Variants in RGS20 observed in about 807,000 individuals in gnomAD.
The protein encoded by RGS20 is regulator of G protein signaling 20, also known as gz-selective GTPase-activating protein.
RGS20 carries 30 observed loss-of-function variants against 33.6 expected under a neutral mutation model. That is an observed-to-expected ratio of 0.89 (90% CI 0.67 to 1.21). RGS20 has a LOEUF of 1.21. Ranked by LOEUF, RGS20 falls within the 50% of genes most tolerant of loss-of-function variation. The pLI, the probability that RGS20 is intolerant of heterozygous loss-of-function variation, is 0.00. For synonymous variants in RGS20, 208 were observed against 197.9 expected (o/e 1.05, Z -0.43); for missense variants, 472 against 502.4 (o/e 0.94, Z 0.58).
intron 2 of RGS20, among the ~76,000 whole-genome samples, chr8:53,891,955 A>G (rs1160579487): frequency 1.3e-5 from 2 of 151,794 alleles, no homozygotes; most frequent in Non-Finnish European, 2.9e-5. Flanking sequence ...TTAGTTACAT[A>G]TGTATACATG....
chr8:53,873,189 T>C (rs753484939), intron 1 of RGS20, among the ~76,000 whole-genome samples: 1 of 152,156 alleles, frequency 6.6e-6, no homozygotes, highest in Non-Finnish European at 1.5e-5. Flanking sequence ...TCATCTACCA[T>C]GAATAAAACC....
intron 1 of RGS20, among the ~76,000 whole-genome samples, chr8:53,871,899 C>G (rs553094681): frequency 5.9e-5 from 9 of 152,246 alleles, no homozygotes; most frequent in Admixed American, 2.0e-4. Context: ...CCTTTGTATG[C>G]TAGTGCTTCC....
chr8:53,919,969 G>C (rs1484538792), intron 2 of RGS20, among the ~76,000 whole-genome samples: 1 of 152,100 alleles, frequency 6.6e-6, no homozygotes, highest in Non-Finnish European at 1.5e-5. Flanking sequence ...TCAACTTCTG[G>C]GCTATGTGAT....
At position 53,954,174 on chromosome 8, in the gene RGS20, G is replaced by A. The variant is rs752979708; in HGVS notation, c.842G>A (p.Arg281Gln). The A allele has an allele frequency of 9.9e-6, 16 of 1,613,708 alleles. No homozygotes were observed. Among genetic ancestry groups the A allele is most frequent in the East Asian group, 2.2e-5 (1 of 44,876 alleles). The change falls in exon 5 of 6, where the codon CGA (arginine) becomes CAA (glutamine). Residue 281 changes from arginine to glutamine, a missense_variant. This residue lies in a region of RGS20 where 125 missense variants were observed against 169.5 expected (regional missense o/e 0.74). Coordinates refer to ENST00000297313, the MANE Select transcript of RGS20 (RefSeq NM_170587.4). The stretch of plus-strand genomic sequence containing the variant: ...AGGAATGCATTCCGTGAATTCCTCC[G>A]AACAGAATTCAGTGAGGAAAATATG...
At chr8:53,879,098 A>AG (rs1267379641) in intron 1 of RGS20, among the ~76,000 whole-genome samples, 3 of 152,090 alleles carry the variant, frequency 2.0e-5, no homozygotes, top group African/African-American at 7.2e-5. Context: ...CAGGAGTGGG[A>AG]GGGGAAAGAA....
Position 53,851,924 on chromosome 8 carries a change from C to G in RGS20, c.25C>G (p.Gln9Glu), listed in dbSNP as rs1295490167. 6.2e-7 allele frequency: 1 copy of G among 1,613,966 alleles called. No individual in the cohort carries two copies. The highest frequency in any genetic ancestry group is 2.2e-5 in the East Asian group (1 of 44,892). The change falls in exon 1 of 6, where the codon CAA becomes GAA. Residue 9 changes from glutamine to glutamate, a missense_variant. Physicochemically the swap from Gln to Glu is conservative, Grantham distance 29. Coordinates refer to ENST00000297313, the MANE Select transcript of RGS20 (RefSeq NM_170587.4). ...CATGCCCCAGCTTTCCCAAGATAAC[C>G]AAGAGTGCCTCCAGAAACATTTCTC...
At chr8:53,868,811 G>A (rs943482677) in intron 1 of RGS20, among the ~76,000 whole-genome samples, 3 of 151,740 alleles carry the variant, frequency 2.0e-5, no homozygotes, top group African/African-American at 7.3e-5. Flanking sequence ...GAAGTGCAGT[G>A]GGGCGATCTC....
At chr8:53,888,380 A>G (rs1379665452) in intron 2 of RGS20, among the ~76,000 whole-genome samples, 1 of 152,218 alleles carries the variant, frequency 6.6e-6, no homozygotes, top group Non-Finnish European at 1.5e-5. Flanking sequence ...CTTACAGTAA[A>G]GTTTACACAT....
intron 2 of RGS20, among the ~76,000 whole-genome samples, chr8:53,911,210 TA>T (rs1405846178): frequency 2.0e-5 from 3 of 152,212 alleles, no homozygotes; most frequent in Admixed American, 1.3e-4. Flanking sequence ...GTAAATGAAC[TA>T]AAACTTTAGT....
intron 1 of RGS20, among the ~76,000 whole-genome samples, chr8:53,853,122 T>A (rs1483230626): frequency 7.2e-5 from 11 of 152,172 alleles, no homozygotes; most frequent in Admixed American, 7.2e-4. Context: ...CCTGAATTAA[T>A]GGACATCTTA....
chr8:53,942,897 G>A (rs577206761), intron 3 of RGS20, among the ~76,000 whole-genome samples: 6 of 151,846 alleles, frequency 4.0e-5, no homozygotes, highest in Admixed American at 3.3e-4. Flanking sequence ...TCTAGAAGCT[G>A]AGGTGGAAGG....
chr8:53,859,109 T>A (rs1269553130), intron 1 of RGS20, among the ~76,000 whole-genome samples: 1 of 152,162 alleles, frequency 6.6e-6, no homozygotes. Context: ...GTCACTCAGA[T>A]TTTTTGTATT....
At chr8:53,855,218 C>G (rs977587392) in intron 1 of RGS20, among the ~76,000 whole-genome samples, 1 of 152,084 alleles carries the variant, frequency 6.6e-6, no homozygotes, top group Non-Finnish European at 1.5e-5. Context: ...GCACGTGCCA[C>G]CACACCCAGC....
Position 53,877,276 on chromosome 8 carries a change from G to A in RGS20, c.166-1982G>A, listed in dbSNP as rs73680346. Among the ~76,000 whole-genome samples, 14,969 of 152,226 alleles carry A rather than the reference G, an allele frequency of 0.098. 1,455 individuals are homozygous for A. Among genetic ancestry groups the A allele is most frequent in the East Asian group, 0.3 (1,558 of 5,146 alleles). ...TGGTCCTCTCTCGACTTCTTAGCGT[G>A]GGGTCCCGCCGGCCCTGCCGCCCGT... On this transcript the variant is annotated intron_variant, in intron 1 of 5. Transcript: ENST00000297313. The surrounding 1 kb of genome is among the most constrained non-coding windows in gnomAD (Gnocchi z 5.7).
intron 2 of RGS20, among the ~76,000 whole-genome samples, chr8:53,931,371 A>G (rs1380147791): frequency 1.3e-5 from 2 of 152,190 alleles, no homozygotes; most frequent in Non-Finnish European, 2.9e-5. Flanking sequence ...CTTGGCCAAC[A>G]TGGTGAAACC....
At chr8:53,860,051 T>G (rs761593033) in intron 1 of RGS20, among the ~76,000 whole-genome samples, 2 of 152,208 alleles carry the variant, frequency 1.3e-5, no homozygotes, top group Non-Finnish European at 2.9e-5. Context: ...TTCCATTCTA[T>G]GAGAAAAGGT....
At chr8:53,947,145 AT>A (rs1005116651) in intron 4 of RGS20, among the ~76,000 whole-genome samples, 60 of 146,124 alleles carry the variant, frequency 4.1e-4, no homozygotes, top group South Asian at 8.4e-4. Context: ...TATATATATG[AT>A]ATAGTATATA....
intron 2 of RGS20, among the ~76,000 whole-genome samples, chr8:53,910,750 A>T (rs868725668): frequency 2.0e-5 from 3 of 152,340 alleles, no homozygotes; most frequent in Middle Eastern, 3.4e-3. Flanking sequence ...ACTCAGCAGT[A>T]AACAAGAATG....
At chr8:53,953,262 T>G (rs1214451642) in intron 4 of RGS20, among the ~76,000 whole-genome samples, 1 of 152,188 alleles carries the variant, frequency 6.6e-6, no homozygotes, top group Admixed American at 6.6e-5. Context: ...GGCTCACACT[T>G]GTAATCCCAG....
Sources: allele counts gnomAD v4.1 joint callset (sites outside exome capture counted in the v4.1 genomes callset), GRCh38; gene constraint gnomAD v4.1.1; regional missense constraint gnomAD v4.1.1; non-coding constraint Gnocchi (gnomAD v3.1); transcripts MANE v1.5; gene names NCBI Gene and HGNC (gene_info 2026-07-23, HGNC 2026-07-21).